The following ATP8A1 variants were observed in gnomAD, a reference collection of about 807,000 sequenced individuals.
The protein encoded by ATP8A1 is phospholipid-transporting ATPase IA.
Under a neutral mutation model 177.7 loss-of-function variants are expected in ATP8A1, and 90 were observed. The observed-to-expected ratio is 0.51, with a 90% CI of 0.43 to 0.60. The LOEUF (loss-of-function observed/expected upper bound fraction) is 0.60. Among genes scored for constraint, ATP8A1 ranks in the 20% least tolerant of loss-of-function variants. The pLI, the probability that ATP8A1 is intolerant of heterozygous loss-of-function variation, is 0.00. For missense variants in ATP8A1, 1,072 were observed against 1,392.8 expected, an observed-to-expected ratio of 0.77 and a Z score of 3.67; for synonymous variants, 493 against 485.9, an observed-to-expected ratio of 1.01 and a Z score of -0.19.
chr4:42,567,449 G>C (rs961592111), intron 15 of ATP8A1, among the ~76,000 whole-genome samples: 4 of 152,170 alleles, frequency 2.6e-5, no homozygotes, highest in Non-Finnish European at 5.9e-5. Context: ...TGAGGCAGGA[G>C]AATCACTTGA....
chr4:42,562,363 G>A (rs1485973543), intron 15 of ATP8A1: 1 of 152,546 alleles, frequency 6.6e-6, no homozygotes, highest in Admixed American at 6.5e-5. Context: ...TGTCTGCAGT[G>A]GGCACCCTGT....
intron 1 of ATP8A1, among the ~76,000 whole-genome samples, chr4:42,636,965 T>C (rs928171628): frequency 1.3e-5 from 2 of 152,202 alleles, no homozygotes; most frequent in African/African-American, 4.8e-5. Context: ...TTCCAGGAGC[T>C]ACTCCACCCG....
intron 6 of ATP8A1, among the ~76,000 whole-genome samples, chr4:42,593,791 AAG>A (rs1734438607): frequency 6.6e-6 from 1 of 152,070 alleles, no homozygotes; most frequent in Non-Finnish European, 1.5e-5. Flanking sequence ...AAGTAACTGA[AAG>A]AACTTAAAAG....
intron 4 of ATP8A1, among the ~76,000 whole-genome samples, chr4:42,617,678 A>G (rs62302323): frequency 0.23 from 34,274 of 152,094 alleles, 4,294 homozygotes; most frequent in Non-Finnish European, 0.29. Flanking sequence ...TTCCAACTAA[A>G]GGAGATAAAT....
intron 33 of ATP8A1, among the ~76,000 whole-genome samples, chr4:42,438,806 A>G (rs1395266572): frequency 6.6e-6 from 1 of 152,120 alleles, no homozygotes; most frequent in Non-Finnish European, 1.5e-5. Flanking sequence ...GAAAAGAATG[A>G]CCTGGGTTAA....
chr4:42,528,160 C>T (rs367869476), intron 20 of ATP8A1, among the ~76,000 whole-genome samples: 1 of 152,090 alleles, frequency 6.6e-6, no homozygotes, highest in Non-Finnish European at 1.5e-5. Flanking sequence ...GGTCTCCGGG[C>T]TCATCCTGTG....
rs1314273380 is a variant in ATP8A1, at chr4:42,409,435, A to G, written c.*3481T>C. The G allele has an allele frequency of 6.6e-6, 1 of 152,150 alleles. No homozygotes were observed. The highest frequency in any genetic ancestry group is 2.4e-5 in the African/African-American group (1 of 41,456). The allele number at this position is 152,150 out of a possible 1,614,324, so 9.4% of individuals were successfully genotyped here. A position where few individuals can be genotyped will look rare whatever the true frequency, so the allele number is the denominator to read the frequency against. On this transcript the variant is annotated 3_prime_UTR_variant, in exon 37 of 37. Transcript: ENST00000381668. ...TATGGTATCTTACGAGTCATTATAG[A>G]AATGTTCATCATTAAAAAGCATTTA...
At chr4:42,556,106 T>C (rs1357650832) in intron 15 of ATP8A1, 66 bp from the exon 16 acceptor site, 5 of 1,145,858 alleles carry the variant, frequency 4.4e-6, no homozygotes, top group South Asian at 1.4e-5. Flanking sequence ...TATTTGTTAA[T>C]GTACTTTATG....
chr4:42,424,867 C>CA (rs1714405535), intron 33 of ATP8A1, among the ~76,000 whole-genome samples: 2 of 152,220 alleles, frequency 1.3e-5, no homozygotes, highest in South Asian at 2.1e-4. Context: ...CATGCTATTA[C>CA]AAAAAATTCC....
intron 21 of ATP8A1, among the ~76,000 whole-genome samples, chr4:42,524,461 G>C (rs1726475336): frequency 1.4e-5 from 2 of 146,300 alleles, no homozygotes; most frequent in South Asian, 4.4e-4. Flanking sequence ...CTAATGAATT[G>C]CTCGAGATAC....
At chr4:42,452,423 A>C (rs929083315) in intron 29 of ATP8A1, among the ~76,000 whole-genome samples, 6 of 152,198 alleles carry the variant, frequency 3.9e-5, no homozygotes, top group African/African-American at 1.4e-4. Context: ...AAAAGATTAT[A>C]ATTTGGGGAA....
chr4:42,639,180 A>G (rs1739686644), intron 1 of ATP8A1, among the ~76,000 whole-genome samples: 2 of 152,112 alleles, frequency 1.3e-5, no homozygotes, highest in Admixed American at 1.3e-4. Flanking sequence ...TTTAGAGACC[A>G]CTGCTGCTTC....
chr4:42,520,828 T>C, intron 22 of ATP8A1, among the ~76,000 whole-genome samples: 1 of 152,184 alleles, frequency 6.6e-6, no homozygotes, highest in East Asian at 1.9e-4. Flanking sequence ...TTAGGTATCT[T>C]CCCCTTACAA....
chr4:42,547,116 T>C (rs917828193), intron 19 of ATP8A1, among the ~76,000 whole-genome samples: 1 of 152,228 alleles, frequency 6.6e-6, no homozygotes, highest in Non-Finnish European at 1.5e-5. Flanking sequence ...ATAGCTCTGC[T>C]TGTATGTCTC....
intron 19 of ATP8A1, among the ~76,000 whole-genome samples, chr4:42,546,761 T>C (rs1232483925): frequency 2.6e-5 from 4 of 152,110 alleles, no homozygotes; most frequent in Non-Finnish European, 5.9e-5. Flanking sequence ...ATTCAACAAA[T>C]ACTTCTCAAA....
Position 42,636,286 on chromosome 4 carries a change from A to G in ATP8A1, c.50-9177T>C, listed in dbSNP as rs143394745. Among the ~76,000 whole-genome samples, 927 of 152,294 alleles carry G rather than the reference A, an allele frequency of 6.1e-3. 11 individuals are homozygous for G. The highest frequency in any genetic ancestry group is 0.021 in the African/African-American group (866 of 41,540). On this transcript the variant is annotated intron_variant, in intron 1 of 36. Coordinates refer to ENST00000381668, the MANE Select transcript of ATP8A1 (RefSeq NM_006095.2). The stretch of plus-strand genomic sequence containing the variant: ...ATAGTTCATTTAATTATAAATGCAG[A>G]AGCAATTACTGCAGTGACAAAAGAG...
At chr4:42,521,956 T>C (rs538212411) in intron 22 of ATP8A1, among the ~76,000 whole-genome samples, 5 of 152,322 alleles carry the variant, frequency 3.3e-5, no homozygotes, top group African/African-American at 1.2e-4. Flanking sequence ...TGAAGATCTA[T>C]ACAAAGTAAT....
At chr4:42,642,699 A>C (rs1046315920) in intron 1 of ATP8A1, among the ~76,000 whole-genome samples, 1 of 152,222 alleles carries the variant, frequency 6.6e-6, no homozygotes, top group Non-Finnish European at 1.5e-5. Context: ...TTCTAATGCC[A>C]TAAATAAAAA....
intron 7 of ATP8A1, 75 bp downstream of exon 7, chr4:42,590,736 A>G (rs747283587): frequency 1.4e-4 from 189 of 1,356,082 alleles, no homozygotes; most frequent in Admixed American, 2.8e-4. Flanking sequence ...ACTCAACCAT[A>G]TTTGGGTGCA....
Sources: allele counts gnomAD v4.1 joint callset (sites outside exome capture counted in the v4.1 genomes callset), GRCh38; gene constraint gnomAD v4.1.1; transcripts MANE v1.5; gene names NCBI Gene and HGNC (gene_info 2026-07-23, HGNC 2026-07-21).